Variants in RDX observed in about 807,000 individuals in gnomAD.
The protein encoded by RDX is deafness, autosomal recessive 24.
In RDX, 32 loss-of-function variants were observed where a neutral mutation model predicts 83.7. The observed-to-expected ratio is 0.38, with a 90% CI of 0.29 to 0.51. The LOEUF is 0.51. RDX is among the 20% of genes least tolerant of loss of function. The pLI, the probability that RDX is intolerant of heterozygous loss-of-function variation, is 0.87. For missense variants in RDX, 600 were observed against 689.9 expected (o/e 0.87, Z 1.46); for synonymous variants, 229 against 222.7 (o/e 1.03, Z -0.25).
chr11:110,184,700 C>T (rs1448283311), intron 15 of RDX, among the ~76,000 whole-genome samples: 2 of 152,074 alleles, frequency 1.3e-5, no homozygotes, highest in Non-Finnish European at 1.5e-5. Context: ...GGGTGTGCAG[C>T]GGGCAGCCCA....
At chr11:110,225,562 A>G (rs1864404060), downstream of RDX, among the ~76,000 whole-genome samples, 1 of 152,230 alleles carries the variant, frequency 6.6e-6, no homozygotes. Flanking sequence ...TCAAAACCAC[A>G]ATGAGGTACT....
chr11:110,180,981 G>A (rs1209570927), intron 15 of RDX, among the ~76,000 whole-genome samples: 1 of 152,116 alleles, frequency 6.6e-6, no homozygotes, highest in East Asian at 1.9e-4. Context: ...ACTCCATGAA[G>A]GCAGGGCCTT....
chr11:110,279,753 C>G lies in RDX; in HGVS notation c.-61G>C, dbSNP rs1860676177. 9.7e-7 allele frequency: 1 copy of G among 1,034,194 alleles called. No individual in the cohort carries two copies. The highest frequency in any genetic ancestry group is 2.4e-5 in the East Asian group (1 of 40,926). 64.1% of individuals were successfully genotyped at this position (1,034,194 alleles called of 1,614,324 possible). A position where few individuals can be genotyped will look rare whatever the true frequency, so the allele number is the denominator to read the frequency against. The stretch of plus-strand genomic sequence containing the variant: ...TCCACTTCAATGAATTCTGTTATCA[C>G]TTTCTGTTAAAAAAAAAAAAGCATA... On this transcript the variant is annotated 5_prime_UTR_variant, in exon 2 of 14. Transcript: ENST00000645495.
chr11:110,208,078 C>A (rs1565291369), intron 14 of RDX, among the ~76,000 whole-genome samples: 1 of 151,838 alleles, frequency 6.6e-6, no homozygotes, highest in Non-Finnish European at 1.5e-5. Context: ...CCTTGGCCTA[C>A]CAAAGTGCTG....
chr11:110,260,848 T>C (rs1384786114), intron 5 of RDX, among the ~76,000 whole-genome samples: 1 of 152,242 alleles, frequency 6.6e-6, no homozygotes, highest in Non-Finnish European at 1.5e-5. Context: ...TGTAGTATAA[T>C]AATACACTAA....
In RDX at chr11:110,180,061, C is replaced by T. The variant is rs377523357; in HGVS notation, c.*32-4827G>A. On this transcript the variant is annotated intron_variant, in intron 15 of 15. Coordinates refer to the RDX transcript ENST00000528498. ...GGACTACAGACAGGCACCACCACGC[C>T]TGGCTAATTTTTGTATTTTTAGTAG... 217 of 294,510 alleles carry T rather than the reference C, an allele frequency of 7.4e-4. 2 individuals are homozygous for T. Among genetic ancestry groups the T allele is most frequent in the African/African-American group, 4.2e-3 (192 of 45,212 alleles). 18.2% of individuals were successfully genotyped at this position (294,510 alleles called of 1,614,324 possible).
chr11:110,263,874 A>C, intron 5 of RDX, 86 bp downstream of exon 5: 1 of 1,374,336 alleles, frequency 7.3e-7, no homozygotes, highest in Non-Finnish European at 1.0e-6. Context: ...TCTCCAAAAA[A>C]AAAAAAAAAC....
rs1371513238 is a variant in RDX, at chr11:110,231,907, T to C, written c.1714A>G (p.Asn572Asp). Residue 572 changes from asparagine (N) to aspartate (D), a missense_variant, in exon 14 of 14, where the codon AAT becomes GAT. By Grantham distance (23) the Asn-to-Asp change is conservative (BLOSUM62 1). Transcript: ENST00000645495. ...YKTLRQIRQG[N>D]TKQRIDEFEA... ...AACTCATCGATACGCTGCTTTGTATTGCCTTGTCGAATCTGTCGCAGAGTC... is the reference window on the plus strand; with the variant it reads ...AACTCATCGATACGCTGCTTTGTATCGCCTTGTCGAATCTGTCGCAGAGTC... 1 of 1,613,206 alleles carries C rather than the reference T, an allele frequency of 6.2e-7. No individual in the cohort carries two copies. The highest frequency in any genetic ancestry group is 1.3e-5 in the African/African-American group (1 of 74,892).
chr11:110,184,045 A>T (rs1396472785), intron 15 of RDX, among the ~76,000 whole-genome samples: 1 of 152,200 alleles, frequency 6.6e-6, no homozygotes, highest in Non-Finnish European at 1.5e-5. Flanking sequence ...ACATCCCCAG[A>T]CATGTCCCCT....
intron 12 of RDX, among the ~76,000 whole-genome samples, chr11:110,235,806 C>G (rs139684757): frequency 2.3e-3 from 357 of 152,240 alleles, no homozygotes; most frequent in African/African-American, 7.8e-3. Context: ...CTAACTATTC[C>G]CAATTTTACA....
At chr11:110,202,093 T>C (rs1863431398) in intron 14 of RDX, among the ~76,000 whole-genome samples, 1 of 152,058 alleles carries the variant, frequency 6.6e-6, no homozygotes, top group South Asian at 2.1e-4. Context: ...TTTAACACTT[T>C]AAAGAATCTA....
At chr11:110,262,101 C>CT (rs1859831194) in intron 5 of RDX, among the ~76,000 whole-genome samples, 1 of 152,038 alleles carries the variant, frequency 6.6e-6, no homozygotes, top group Non-Finnish European at 1.5e-5. Flanking sequence ...CCATAATAGT[C>CT]TGATTACTCA....
intron 1 of RDX, among the ~76,000 whole-genome samples, chr11:110,291,491 G>A (rs1056708545): frequency 6.6e-6 from 1 of 152,196 alleles, no homozygotes; most frequent in African/African-American, 2.4e-5. Context: ...GGCCAATGAG[G>A]CTCGAAAGAC....
At chr11:110,194,007 T>C (rs541905973) in intron 15 of RDX, among the ~76,000 whole-genome samples, 28 of 152,338 alleles carry the variant, frequency 1.8e-4, no homozygotes, top group African/African-American at 6.5e-4. Context: ...GCCCAGTGCA[T>C]TGCACAGGAA....
rs368486490 is a variant in RDX, at chr11:110,253,236, T to C, written c.959+710A>G. Among the ~76,000 whole-genome samples the C allele has an allele frequency of 3.8e-3, 573 of 152,282 alleles. 5 individuals are homozygous for C. The South Asian group carries it at 0.038, about 10-fold the overall frequency. ...ATGTTTAGGGCTCTTCAAATTTTTT[T>C]TAAGGACTTACTCTATTTCTTAGAC... On this transcript the variant is annotated intron_variant, in intron 9 of 13. Transcript: ENST00000645495.
chr11:110,241,162 T>C (rs1865083189), intron 10 of RDX, among the ~76,000 whole-genome samples: 1 of 152,036 alleles, frequency 6.6e-6, no homozygotes, highest in Non-Finnish European at 1.5e-5. Context: ...AAATTCTATG[T>C]GGCTATTTGG....
chr11:110,281,096 C>G (rs1043813090), intron 1 of RDX, among the ~76,000 whole-genome samples: 3 of 151,978 alleles, frequency 2.0e-5, no homozygotes, highest in South Asian at 2.1e-4. Flanking sequence ...ACCCAGAAAG[C>G]AGAGGTTGCA....
chr11:110,235,290 T>A (rs180945688), intron 12 of RDX, among the ~76,000 whole-genome samples: 2 of 152,288 alleles, frequency 1.3e-5, no homozygotes, highest in Admixed American at 6.5e-5. Context: ...CAATGAATTA[T>A]GATTGTGCCA....
chr11:110,201,602 CAT>C (rs1173701286), intron 14 of RDX, among the ~76,000 whole-genome samples: 38 of 152,176 alleles, frequency 2.5e-4, no homozygotes, highest in African/African-American at 8.7e-4. Flanking sequence ...ATAAAAATCA[CAT>C]GAGCTGGATA....
Sources: allele counts gnomAD v4.1 joint callset (sites outside exome capture counted in the v4.1 genomes callset), GRCh38; gene constraint gnomAD v4.1.1; transcripts MANE v1.5; gene names NCBI Gene and HGNC (gene_info 2026-07-23, HGNC 2026-07-21).